STK33: variants seen among roughly 807,000 people sequenced by gnomAD.
STK33 encodes the protein serine/threonine kinase 33, also known as serine/threonine-protein kinase 33.
A neutral mutation model predicts 58.0 loss-of-function variants in STK33; 52 were observed. That is an observed-to-expected ratio of 0.90 (90% confidence interval 0.72 to 1.13). STK33 has a LOEUF of 1.13. STK33 is among the 50% of genes most tolerant of loss of function. The probability of loss-of-function intolerance (pLI) is 0.00; values close to 1 mark genes in which losing one functional copy is unlikely to be tolerated. For missense variants in STK33, 630 were observed against 604.2 expected, an observed-to-expected ratio of 1.04 and a Z score of -0.45; for synonymous variants, 215 against 200.1, an observed-to-expected ratio of 1.07 and a Z score of -0.63.
At chr11:8,368,792 T>TC in the STK33 span, among the ~76,000 whole-genome samples, 1 of 152,120 alleles carries the variant, frequency 6.6e-6, no homozygotes, top group African/African-American at 2.4e-5. Flanking sequence ...TTACCGCATT[T>TC]CCCCCGGGGA....
chr11:8,442,093 G>C (rs1944832880), intron 11 of STK33, among the ~76,000 whole-genome samples: 2 of 150,780 alleles, frequency 1.3e-5, no homozygotes, highest in Non-Finnish European at 2.9e-5. Context: ...AAAGCAAATG[G>C]AATTTCATTT....
chr11:8,429,810 G>A lies in STK33; in HGVS notation c.1146+5684C>T, dbSNP rs181474855. Among the ~76,000 whole-genome samples the A allele has an allele frequency of 1.1e-4, 16 of 152,138 alleles. 1 individual carries two copies. The highest frequency in any genetic ancestry group is 3.4e-3 in the Middle Eastern group (1 of 294). The stretch of plus-strand genomic sequence containing the variant: ...CTCCTGACTCTTGGTTCACCTCCTC[G>A]TTAAGACCCTGCTTCCACCCTTTAG... On this transcript the variant is annotated intron_variant, in intron 14 of 15. Transcript: ENST00000687296.
the STK33 span, among the ~76,000 whole-genome samples, chr11:8,351,493 G>A: frequency 7.9e-5 from 12 of 152,336 alleles, no homozygotes; most frequent in East Asian, 1.9e-4. Flanking sequence ...GGTTCTGGCC[G>A]TCCCTGCACG....
At chr11:8,395,199 G>C (rs575879794) in intron 15 of STK33, among the ~76,000 whole-genome samples, 1 of 152,280 alleles carries the variant, frequency 6.6e-6, no homozygotes, top group African/African-American at 2.4e-5. Flanking sequence ...TTGAATTGTA[G>C]CTCCCATAAT....
intron 1 of STK33, among the ~76,000 whole-genome samples, chr11:8,498,879 A>T (rs1291997894): frequency 1.3e-5 from 2 of 152,236 alleles, no homozygotes; most frequent in Non-Finnish European, 2.9e-5. Context: ...GGCTAGCCAT[A>T]TGCAGAAAAC....
At chr11:8,518,101 G>C (rs1281914710) in intron 1 of STK33, among the ~76,000 whole-genome samples, 1 of 152,136 alleles carries the variant, frequency 6.6e-6, no homozygotes, top group Non-Finnish European at 1.5e-5. Flanking sequence ...GAAAGGTCGG[G>C]TTACCCACAA....
At chr11:8,445,215 T>C (rs1190551595) in intron 11 of STK33, among the ~76,000 whole-genome samples, 4 of 152,228 alleles carry the variant, frequency 2.6e-5, no homozygotes, top group African/African-American at 4.8e-5. Context: ...CTTGTGATTT[T>C]TGCACATTGA....
chr11:8,406,192 G>C (rs1251557290), intron 15 of STK33, among the ~76,000 whole-genome samples: 1 of 150,636 alleles, frequency 6.6e-6, no homozygotes, highest in East Asian at 1.9e-4. Flanking sequence ...ATAAACATGG[G>C]TCTATTTCTA....
chr11:8,409,625 A>G lies in STK33; in HGVS notation c.1344+3870T>C, dbSNP rs573387162. On this transcript the variant is annotated intron_variant, in intron 15 of 15. Coordinates refer to ENST00000687296, the MANE Select transcript of STK33 (RefSeq NM_001352389.2). ...CCAAACTCAGAGGGCAAACAAGGTTAGAAGCAGCACATTATCACTTCTGAA... is the reference window on the plus strand; with the variant it reads ...CCAAACTCAGAGGGCAAACAAGGTTGGAAGCAGCACATTATCACTTCTGAA... 2.6e-5 allele frequency among the ~76,000 whole-genome samples: 4 copies of G among 152,364 alleles called. No individual in the cohort carries two copies. In the East Asian group the frequency reaches 5.8e-4, roughly 22 times the overall value.
At chr11:8,387,646 TA>T (rs1848562203), downstream of STK33, among the ~76,000 whole-genome samples, 1 of 152,210 alleles carries the variant, frequency 6.6e-6, no homozygotes, top group Non-Finnish European at 1.5e-5. Context: ...CATCCACTAT[TA>T]TAGCTCAAAG....
At chr11:8,545,475 T>A (rs980513668) in intron 1 of STK33, among the ~76,000 whole-genome samples, 1 of 152,192 alleles carries the variant, frequency 6.6e-6, no homozygotes, top group Non-Finnish European at 1.5e-5. Flanking sequence ...AAATTTAAGA[T>A]TACTAATGTT....
At chr11:8,445,059 CTT>C (rs1945255966) in intron 11 of STK33, among the ~76,000 whole-genome samples, 1 of 152,094 alleles carries the variant, frequency 6.6e-6, no homozygotes, top group Admixed American at 6.6e-5. Context: ...CTCTTATTTC[CTT>C]GTGCAGTGGT....
At chr11:8,500,101 C>T (rs755325944) in intron 1 of STK33, among the ~76,000 whole-genome samples, 18 of 151,962 alleles carry the variant, frequency 1.2e-4, no homozygotes, top group South Asian at 6.2e-4. Flanking sequence ...TCATACTTAA[C>T]GGTGAAAGAT....
chr11:8,517,897 C>G (rs1436643144), intron 1 of STK33, among the ~76,000 whole-genome samples: 1 of 152,084 alleles, frequency 6.6e-6, no homozygotes, highest in Non-Finnish European at 1.5e-5. Context: ...AAGAATGGAA[C>G]CAAGTTGGAA....
intron 1 of STK33, among the ~76,000 whole-genome samples, chr11:8,556,883 T>C (rs1956777223): frequency 1.3e-5 from 2 of 152,122 alleles, no homozygotes. Flanking sequence ...GATTTTAGGG[T>C]CACCATAGTA....
chr11:8,528,878 A>G (rs1165041335), intron 1 of STK33, among the ~76,000 whole-genome samples: 1 of 152,254 alleles, frequency 6.6e-6, no homozygotes, highest in Non-Finnish European at 1.5e-5. Context: ...TAAGGAAATA[A>G]CATGTGCCAG....
chr11:8,513,209 G>A (rs1191925687), intron 1 of STK33, among the ~76,000 whole-genome samples: 3 of 152,090 alleles, frequency 2.0e-5, no homozygotes, highest in Non-Finnish European at 2.9e-5. Flanking sequence ...CCTACAGCTT[G>A]CTTCTGCTCA....
chr11:8,379,130 T>C, the STK33 span, among the ~76,000 whole-genome samples: 2,336 of 152,276 alleles, frequency 0.015, 52 homozygotes, highest in Middle Eastern at 0.071. Context: ...TCTCACCTTA[T>C]ATAAAAATCA....
chr11:8,587,485 C>A (rs1177085740), intron 1 of STK33, among the ~76,000 whole-genome samples: 2 of 151,446 alleles, frequency 1.3e-5, no homozygotes, highest in South Asian at 2.1e-4. Context: ...GGAAAGAACA[C>A]GAGGCACACC....
Sources: gnomAD v4.1 joint callset for allele counts (sites outside exome capture counted in the v4.1 genomes callset) on GRCh38, gnomAD v4.1.1 for gene constraint, MANE v1.5 for transcripts, NCBI Gene and HGNC (gene_info 2026-07-23, HGNC 2026-07-21) for gene names.